Variants in NANOS3 observed in about 807,000 individuals in gnomAD.
NANOS3 encodes nanos C2HC-type zinc finger 3, also known as nanos homolog 3.
A neutral mutation model predicts 13.8 loss-of-function variants in NANOS3; 11 were observed. The observed-to-expected ratio is 0.80, with a 90% CI of 0.50 to 1.32. The LOEUF is 1.32. Among genes scored for constraint, NANOS3 ranks in the 40% most tolerant of loss-of-function variants. The probability of loss-of-function intolerance (pLI) is 0.00; values close to 1 mark genes in which losing one functional copy is unlikely to be tolerated. For missense variants in NANOS3, 221 were observed against 263.8 expected, an observed-to-expected ratio of 0.84 and a Z score of 1.12; for synonymous variants, 119 against 115.4, an observed-to-expected ratio of 1.03 and a Z score of -0.20.
In NANOS3 at chr19:13,877,687, G is replaced by A; in HGVS notation, c.439G>A (p.Ala147Thr). ...SVYSHTTRNS[A>T]GKKLVRPDKA... ...CTACAGCCACACCACCCGAAACTCG[G>A]CAGGCAAGAAGCTGGTCCGGCCTGA... The change falls in exon 1 of 2, where the codon GCA (alanine) becomes ACA (threonine). Residue 147 changes from alanine (A) to threonine (T), a missense_variant. Around this residue, in one of 3 missense-constraint regions of NANOS3, gnomAD observed 49 missense variants for 91.0 expected, o/e 0.54. Transcript: ENST00000339133. 1 of 1,611,214 alleles carries A rather than the reference G, an allele frequency of 6.2e-7. No individual in the cohort carries two copies. The highest frequency in any genetic ancestry group is 8.5e-7 in the Non-Finnish European group (1 of 1,179,534).
chr19:13,869,778 A>G (rs550189835), intron 1 of NANOS3, among the ~76,000 whole-genome samples: 4 of 150,824 alleles, frequency 2.7e-5, no homozygotes, highest in East Asian at 2.0e-4. Flanking sequence ...ACGCACGCAC[A>G]CACACACACA....
upstream of NANOS3, among the ~76,000 whole-genome samples, chr19:13,873,700 G>A (rs1226775303): frequency 3.9e-5 from 6 of 152,014 alleles, no homozygotes; most frequent in Non-Finnish European, 7.4e-5. Context: ...CCATCTCCTG[G>A]GCTCAAAAGA....
chr19:13,871,425 AGAT>A, intron 1 of NANOS3, among the ~76,000 whole-genome samples: 1 of 152,120 alleles, frequency 6.6e-6, no homozygotes, highest in East Asian at 1.9e-4. Flanking sequence ...CAAAGAAGAG[AGAT>A]AGTCAGACCC....
At chr19:13,862,446 G>A (rs1976172366), upstream of NANOS3, among the ~76,000 whole-genome samples, 7 of 152,192 alleles carry the variant, frequency 4.6e-5, no homozygotes, top group Admixed American at 3.3e-4. Flanking sequence ...GTGGCTGCAG[G>A]AAATTCAGCG....
rs751911186 is a variant in NANOS3 at position 13,880,479 on chromosome 19, C to G, written c.555C>G (p.Ser185=). 1.2e-6 allele frequency: 2 copies of G among 1,613,938 alleles called. No individual in the cohort carries two copies. Among genetic ancestry groups the G allele is most frequent in the Non-Finnish European group, 1.7e-6 (2 of 1,179,848 alleles). Reference sequence around the variant, plus strand: ...CCGGGAAGTCTGAGCCTTCGCCCTCCTGCTCTCCCTCCATGTCCACCTAGG... The same window carrying G: ...CCGGGAAGTCTGAGCCTTCGCCCTCGTGCTCTCCCTCCATGTCCACCTAGG... ...RGAGKSEPSP[S]CSPSMST is the part of the protein sequence containing the mutation. Residue 185 remains serine, a synonymous_variant, in exon 2 of 2, where the codon TCC becomes TCG. Transcript: ENST00000339133.
chr19:13,867,832 A>G (rs1349027390), intron 1 of NANOS3, among the ~76,000 whole-genome samples: 1 of 152,142 alleles, frequency 6.6e-6, no homozygotes, highest in Non-Finnish European at 1.5e-5. Flanking sequence ...CCACAAAGAT[A>G]TATGAGCACG....
chr19:13,870,724 T>C (rs1241163893), intron 1 of NANOS3, among the ~76,000 whole-genome samples: 2 of 151,718 alleles, frequency 1.3e-5, no homozygotes, highest in Non-Finnish European at 2.9e-5. Context: ...TGCGCCACCA[T>C]GCCTGGCTAC....
At chr19:13,874,740 G>A (rs1206868333), upstream of NANOS3, 3 of 534,178 alleles carry the variant, frequency 5.6e-6, no homozygotes, top group Admixed American at 1.9e-5. Flanking sequence ...TCAACCTGTC[G>A]GTGAGTTTGG....
chr19:13,871,551 G>C (rs1002767108), intron 1 of NANOS3, among the ~76,000 whole-genome samples: 49 of 152,288 alleles, frequency 3.2e-4, no homozygotes, highest in African/African-American at 1.2e-3. Flanking sequence ...ACCTTACAGG[G>C]AACAACCTCC....
upstream of NANOS3, among the ~76,000 whole-genome samples, chr19:13,873,977 G>T (rs893765542): frequency 1.3e-5 from 2 of 152,162 alleles, no homozygotes; most frequent in African/African-American, 4.8e-5. Flanking sequence ...TGAGGGATGA[G>T]GAAATGGAGA....
chr19:13,869,003 C>T (rs549638950), intron 1 of NANOS3, among the ~76,000 whole-genome samples: 2 of 152,106 alleles, frequency 1.3e-5, no homozygotes, highest in Admixed American at 1.3e-4. Flanking sequence ...CAGACACCCA[C>T]AGAACCCCCC....
At chr19:13,868,446 G>A (rs961790262) in intron 1 of NANOS3, among the ~76,000 whole-genome samples, 2 of 151,830 alleles carry the variant, frequency 1.3e-5, no homozygotes, top group African/African-American at 2.4e-5. Flanking sequence ...AAATCTGAAC[G>A]AGCACAGTGG....
chr19:13,880,570 A>T lies in NANOS3; in HGVS notation c.*67A>T. The T allele has an allele frequency of 7.2e-7, 1 of 1,388,606 alleles. No homozygotes were observed. Among genetic ancestry groups the T allele is most frequent in the Non-Finnish European group, 1.0e-6 (1 of 978,372 alleles). The allele number at this position is 1,388,606 out of a possible 1,614,324, so 86.0% of individuals were successfully genotyped here. A position where few individuals can be genotyped will look rare whatever the true frequency, so the allele number is the denominator to read the frequency against. On this transcript the variant is annotated 3_prime_UTR_variant, in exon 2 of 2. Coordinates refer to ENST00000339133, the MANE Select transcript of NANOS3 (RefSeq NM_001098622.3). ...GATTTCCAGGAAGACCCACCCTATG[A>T]CGACTGCCCCCACTCCCAGACCCTC...
At chr19:13,867,104 C>T (rs1976253572) in intron 1 of NANOS3, among the ~76,000 whole-genome samples, 1 of 151,944 alleles carries the variant, frequency 6.6e-6, no homozygotes. Context: ...CCACACCAGG[C>T]TAATTTTTGT....
intron 1 of NANOS3, among the ~76,000 whole-genome samples, chr19:13,879,179 T>TCCAC (rs1458486210): frequency 6.6e-6 from 1 of 151,718 alleles, no homozygotes; most frequent in East Asian, 1.9e-4. Flanking sequence ...GACCTCGAGA[T>TCCAC]CCACCCGCCT....
At chr19:13,873,769 C>T (rs1968443648), upstream of NANOS3, among the ~76,000 whole-genome samples, 1 of 152,162 alleles carries the variant, frequency 6.6e-6, no homozygotes, top group South Asian at 2.1e-4. Context: ...AGCACCCGGC[C>T]ATGCCGGGTG....
chr19:13,866,055 C>G (rs1027679427), intron 1 of NANOS3, among the ~76,000 whole-genome samples: 1 of 152,106 alleles, frequency 6.6e-6, no homozygotes, highest in Non-Finnish European at 1.5e-5. Context: ...GCGCCACCTC[C>G]GGAAGCCCTG....
chr19:13,874,480 A>G (rs1212465317), upstream of NANOS3, among the ~76,000 whole-genome samples: 1 of 151,846 alleles, frequency 6.6e-6, no homozygotes, highest in Non-Finnish European at 1.5e-5. Flanking sequence ...TGAGGCCAGC[A>G]CTCCCCTGCA....
At chr19:13,874,312 C>A (rs898687322), upstream of NANOS3, among the ~76,000 whole-genome samples, 1 of 152,310 alleles carries the variant, frequency 6.6e-6, no homozygotes, top group Admixed American at 6.5e-5. Flanking sequence ...TCAATGCCCT[C>A]GGGGCCAGGA....
Sources: allele counts gnomAD v4.1 joint callset (sites outside exome capture counted in the v4.1 genomes callset), GRCh38; gene constraint gnomAD v4.1.1; regional missense constraint gnomAD v4.1.1; transcripts MANE v1.5; gene names NCBI Gene and HGNC (gene_info 2026-07-23, HGNC 2026-07-21).